Variants in SWT1 observed in about 807,000 individuals in gnomAD.
SWT1 encodes transcriptional protein SWT1.
Under a neutral mutation model 107.3 loss-of-function variants are expected in SWT1, and 33 were observed. The observed-to-expected ratio is 0.31, with a 90% CI of 0.23 to 0.41. The LOEUF is 0.41. Among genes scored for constraint, SWT1 ranks in the 10% least tolerant of loss-of-function variants. The pLI is 1.00. For synonymous variants in SWT1, 345 were observed against 348.3 expected, an observed-to-expected ratio of 0.99 and a Z score of 0.11; for missense variants, 898 against 1,028.9, an observed-to-expected ratio of 0.87 and a Z score of 1.74.
chr1:185,174,020 C>CA (rs1558011519), intron 4 of SWT1, among the ~76,000 whole-genome samples: 1 of 151,470 alleles, frequency 6.6e-6, no homozygotes, highest in Non-Finnish European at 1.5e-5. Context: ...GAACCCGTCT[C>CA]AAAAAAAATG....
At chr1:185,279,207 A>G (rs1286933574) in intron 18 of SWT1, among the ~76,000 whole-genome samples, 1 of 152,252 alleles carries the variant, frequency 6.6e-6, no homozygotes, top group Non-Finnish European at 1.5e-5. Context: ...TGTCAAAAAT[A>G]TAACATCTTC....
intron 15 of SWT1, among the ~76,000 whole-genome samples, chr1:185,228,165 A>ATG (rs71555463): frequency 7.2e-6 from 1 of 139,524 alleles, no homozygotes; most frequent in Non-Finnish European, 1.5e-5. Context: ...TTAAAAAAAA[A>ATG]TGTGTATATA....
At chr1:185,157,084 T>G, upstream of SWT1, 1 of 201,962 alleles carries the variant, frequency 5.0e-6, no homozygotes, top group Non-Finnish European at 1.0e-5. Context: ...GCACCCAGGA[T>G]ACACTGCGCA....
At position 185,160,910 on chromosome 1, in the gene SWT1, C is replaced by G. The variant is rs767040892; in HGVS notation, c.69C>G (p.Pro23=). 4 of 1,610,972 alleles carry G rather than the reference C, an allele frequency of 2.5e-6. No homozygotes were observed. Among genetic ancestry groups the G allele is most frequent in the Non-Finnish European group, 2.5e-6 (3 of 1,178,454 alleles). Reference sequence around the variant, plus strand: ...GGAAAGACACCACCACCTCATCACCCAATTTTGGTGAAAAAGTAAGAATTT... The same window carrying G: ...GGAAAGACACCACCACCTCATCACCGAATTTTGGTGAAAAAGTAAGAATTT... ...SQRKDTTTSS[P]NFGEKDKKER... is the part of the protein sequence containing the mutation. Residue 23 remains proline, a synonymous_variant, in exon 2 of 19, where the codon CCC becomes CCG. Coordinates refer to ENST00000367500, the MANE Select transcript of SWT1 (RefSeq NM_017673.7).
intron 13 of SWT1, among the ~76,000 whole-genome samples, chr1:185,210,187 T>G (rs1296869427): frequency 6.6e-6 from 1 of 152,216 alleles, no homozygotes; most frequent in African/African-American, 2.4e-5. Flanking sequence ...TTCACTCTGA[T>G]GATAGTTTCT....
chr1:185,170,032 C>T (rs764070981), intron 4 of SWT1, among the ~76,000 whole-genome samples: 19 of 152,062 alleles, frequency 1.2e-4, no homozygotes, highest in African/African-American at 2.9e-4. Flanking sequence ...ATGCTAGAGC[C>T]GTTACCATAA....
chr1:185,257,348 G>A (rs1662637233), intron 16 of SWT1, among the ~76,000 whole-genome samples: 1 of 152,164 alleles, frequency 6.6e-6, no homozygotes, highest in African/African-American at 2.4e-5. Context: ...ACCTAAGCAA[G>A]CCTGGGCAAT....
At chr1:185,182,687 A>C (rs1045288928) in intron 7 of SWT1, among the ~76,000 whole-genome samples, 1 of 151,320 alleles carries the variant, frequency 6.6e-6, no homozygotes, top group Non-Finnish European at 1.5e-5. Flanking sequence ...AAAAAAAAAA[A>C]AAAAAGAAAG....
At chr1:185,206,997 A>G (rs1220093364) in intron 13 of SWT1, among the ~76,000 whole-genome samples, 1 of 152,214 alleles carries the variant, frequency 6.6e-6, no homozygotes. Context: ...GTGACTGTAA[A>G]TGGTATTGTT....
intron 16 of SWT1, among the ~76,000 whole-genome samples, chr1:185,241,720 T>A (rs951501368): frequency 1.3e-5 from 2 of 152,136 alleles, no homozygotes; most frequent in Non-Finnish European, 2.9e-5. Flanking sequence ...TGTTTTATAG[T>A]CTTTGTGATA....
intron 9 of SWT1, among the ~76,000 whole-genome samples, chr1:185,189,507 T>G (rs1656765359): frequency 6.6e-6 from 1 of 152,198 alleles, no homozygotes. Flanking sequence ...GAACAGTTGC[T>G]TATTAGTTCA....
intron 18 of SWT1, among the ~76,000 whole-genome samples, chr1:185,284,024 C>A (rs1477542482): frequency 6.6e-6 from 1 of 152,186 alleles, no homozygotes; most frequent in Non-Finnish European, 1.5e-5. Context: ...GGGTGAGATT[C>A]TAATTCTCAG....
At chr1:185,182,845 G>A (rs748705271) in intron 7 of SWT1, among the ~76,000 whole-genome samples, 4 of 151,930 alleles carry the variant, frequency 2.6e-5, no homozygotes, top group African/African-American at 4.8e-5. Context: ...TTTTAAAAAT[G>A]GCAATGCTGA....
chr1:185,254,730 G>C (rs1338907022), intron 16 of SWT1, among the ~76,000 whole-genome samples: 4 of 151,434 alleles, frequency 2.6e-5, no homozygotes, highest in Admixed American at 2.6e-4. Flanking sequence ...CAAAAAACCA[G>C]CTCCTGGATT....
chr1:185,175,586 GA>G (rs1383188794), intron 5 of SWT1, among the ~76,000 whole-genome samples: 1 of 152,120 alleles, frequency 6.6e-6, no homozygotes, highest in African/African-American at 2.4e-5. Flanking sequence ...ATTTATTCAT[GA>G]AGATATGTGT....
chr1:185,262,579 C>T (rs1477820590), intron 16 of SWT1: 1 of 152,164 alleles, frequency 6.6e-6, no homozygotes, highest in Non-Finnish European at 1.5e-5. Context: ...GCCACCATAA[C>T]AAAATACCAC....
At chr1:185,190,415 CA>C in intron 9 of SWT1, 133 bp from the exon 10 acceptor site, 1 of 574,986 alleles carries the variant, frequency 1.7e-6, no homozygotes, top group Non-Finnish European at 3.2e-6. Flanking sequence ...GACGTGTGTC[CA>C]CCATCATAGT....
chr1:185,229,370 CCT>C (rs1418323890), intron 15 of SWT1, among the ~76,000 whole-genome samples: 1 of 152,102 alleles, frequency 6.6e-6, no homozygotes, highest in African/African-American at 2.4e-5. Context: ...ACCTGGCAAT[CCT>C]ATGACTGGTA....
intron 18 of SWT1, among the ~76,000 whole-genome samples, chr1:185,289,953 ATT>A (rs563683798): frequency 3.4e-4 from 52 of 152,294 alleles, no homozygotes; most frequent in African/African-American, 1.3e-3. Flanking sequence ...AATGTATTGT[ATT>A]TTGAAAATCA....
Sources: allele counts gnomAD v4.1 joint callset (sites outside exome capture counted in the v4.1 genomes callset), GRCh38; gene constraint gnomAD v4.1.1; transcripts MANE v1.5; gene names NCBI Gene and HGNC (gene_info 2026-07-23, HGNC 2026-07-21).